The following DNAH7 variants were observed in gnomAD, a reference collection of about 807,000 sequenced individuals.
DNAH7 encodes the protein dynein axonemal heavy chain 7.
DNAH7 carries 397 observed loss-of-function variants against 444.6 expected under a neutral mutation model. The observed-to-expected ratio is 0.89, with a 90% CI of 0.82 to 0.97. The LOEUF is 0.97. Among genes scored for constraint, DNAH7 ranks in the 50% least tolerant of loss-of-function variants. The pLI is 0.00. For synonymous variants in DNAH7, 1,636 were observed against 1,624.4 expected (o/e 1.01, Z -0.17); for missense variants, 4,902 against 4,800.8 (o/e 1.02, Z -0.62).
At position 195,926,443 on chromosome 2, in the gene DNAH7, T is replaced by C; in HGVS notation, c.3595A>G (p.Ile1199Val). ...AACCTTACCTTTATCCCCATTGGAA[T>C]AGCTGTTTGTACTTCTTTTGTCCAA... is the stretch of plus-strand genomic sequence containing the variant. ...IFWTKEVQTAIPMGIKALEQY... is the reference protein window; with the variant it reads ...IFWTKEVQTAVPMGIKALEQY... The change falls in exon 22 of 65, where the codon ATT becomes GTT. Residue 1199 changes from isoleucine (I) to valine (V), a missense_variant. Coordinates refer to ENST00000312428, the MANE Select transcript of DNAH7 (RefSeq NM_018897.3). 6.3e-7 allele frequency: 1 copy of C among 1,592,452 alleles called. No individual in the cohort carries two copies. The highest frequency in any genetic ancestry group is 1.1e-5 in the South Asian group (1 of 87,208).
At chr2:195,783,307 T>A (rs1384932981) in intron 58 of DNAH7, among the ~76,000 whole-genome samples, 2 of 152,236 alleles carry the variant, frequency 1.3e-5, no homozygotes, top group Non-Finnish European at 2.9e-5. Context: ...TACTTTTCTA[T>A]GACACCAATA....
At chr2:196,024,608 T>C in intron 7 of DNAH7, 104 bp from the exon 8 acceptor site, 2 of 597,262 alleles carry the variant, frequency 3.3e-6, no homozygotes, top group Non-Finnish European at 2.6e-6. Context: ...GTTTAAATTA[T>C]ATTAAAGTTG....
chr2:195,776,153 A>T (rs1352568028), intron 59 of DNAH7, among the ~76,000 whole-genome samples, 170 bp from the exon 60 acceptor site: 1 of 152,136 alleles, frequency 6.6e-6, no homozygotes, highest in Non-Finnish European at 1.5e-5. Flanking sequence ...TTTAAAAAAA[A>T]ATATGAACAG....
chr2:195,749,616 A>T (rs1693656116), intron 63 of DNAH7, among the ~76,000 whole-genome samples: 1 of 151,172 alleles, frequency 6.6e-6, no homozygotes, highest in Non-Finnish European at 1.5e-5. Flanking sequence ...GATTAAGAAA[A>T]TGTGGCACAT....
intron 36 of DNAH7, 97 bp downstream of exon 36, chr2:195,881,698 T>C (rs536868498): frequency 7.7e-7 from 1 of 1,295,322 alleles, no homozygotes; most frequent in African/African-American, 1.5e-5. Context: ...AACATCAAAG[T>C]ACTTGAGTAT....
chr2:195,958,501 G>T (rs1372913970), intron 18 of DNAH7, among the ~76,000 whole-genome samples: 2 of 152,056 alleles, frequency 1.3e-5, no homozygotes, highest in African/African-American at 4.8e-5. Context: ...ACTGTGTGGG[G>T]GGTCAGCGCC....
intron 12 of DNAH7, among the ~76,000 whole-genome samples, chr2:195,996,655 A>AC (rs1693715246): frequency 6.6e-6 from 1 of 151,974 alleles, no homozygotes; most frequent in Non-Finnish European, 1.5e-5. Flanking sequence ...CAAACTCCTG[A>AC]CCTCAGGTTA....
intron 42 of DNAH7, 54 bp downstream of exon 42, chr2:195,861,663 A>T (rs1449019014): frequency 9.4e-6 from 12 of 1,274,406 alleles, no homozygotes; most frequent in Non-Finnish European, 1.2e-5. Flanking sequence ...TTTTGCACAC[A>T]CAAGTATTTT....
chr2:195,961,072 A>C, intron 17 of DNAH7, 127 bp from the exon 18 acceptor site: 1 of 674,168 alleles, frequency 1.5e-6, no homozygotes, highest in Admixed American at 3.8e-5. Context: ...GTTAAACTTC[A>C]ATAATCTAGA....
intron 37 of DNAH7, 84 bp from the exon 38 acceptor site, chr2:195,875,927 C>G: frequency 7.8e-7 from 1 of 1,278,772 alleles, no homozygotes; most frequent in Non-Finnish European, 1.1e-6. Flanking sequence ...GAGGCAAATA[C>G]TTAGCTATCT....
chr2:195,995,301 A>T, intron 12 of DNAH7: 1 of 484,964 alleles, frequency 2.1e-6, no homozygotes. Context: ...TTGTACTTTT[A>T]GCAGTTTTTC....
intron 54 of DNAH7, among the ~76,000 whole-genome samples, chr2:195,803,125 T>G (rs1184288402): frequency 6.6e-6 from 1 of 152,250 alleles, no homozygotes; most frequent in African/African-American, 2.4e-5. Context: ...TGGTCTTTTC[T>G]CGATAGATTT....
At chr2:195,874,904 G>C (rs1700957864) in intron 38 of DNAH7, among the ~76,000 whole-genome samples, 1 of 152,138 alleles carries the variant, frequency 6.6e-6, no homozygotes. Context: ...CTGCATTACA[G>C]GTCAGATAAA....
intron 24 of DNAH7, among the ~76,000 whole-genome samples, chr2:195,911,378 C>T (rs968496325): frequency 1.3e-5 from 2 of 151,912 alleles, no homozygotes; most frequent in Admixed American, 1.3e-4. Context: ...AAATTATGCA[C>T]TGAAAATTAC....
rs755131545 is a variant in DNAH7 at position 196,054,118 on chromosome 2, C to T, written c.79-2869G>A. On this transcript the variant is annotated intron_variant, in intron 2 of 64. Coordinates refer to ENST00000312428, the MANE Select transcript of DNAH7 (RefSeq NM_018897.3). The stretch of plus-strand genomic sequence containing the variant: ...CCACCAATAGGTTCCAAAATATCTC[C>T]CTGTTAAAATCTAGCCCTTTAAGAC... 5.3e-5 allele frequency among the ~76,000 whole-genome samples: 8 copies of T among 152,172 alleles called. 1 individual carries two copies. Among genetic ancestry groups the T allele is most frequent in the African/African-American group, 1.2e-4 (5 of 41,434 alleles).
intron 47 of DNAH7, among the ~76,000 whole-genome samples, chr2:195,839,623 T>C (rs1050139730): frequency 3.3e-5 from 5 of 151,860 alleles, no homozygotes; most frequent in South Asian, 4.1e-4. Context: ...TCTAGCCAGA[T>C]TGACCAAGAA....
chr2:196,022,230 A>G (rs1695427901), intron 8 of DNAH7, among the ~76,000 whole-genome samples: 1 of 152,304 alleles, frequency 6.6e-6, no homozygotes, highest in African/African-American at 2.4e-5. Flanking sequence ...TGCTGGTGGA[A>G]GGTCTTAATG....
chr2:196,068,534 A>G (rs1425753616), intron 1 of DNAH7, 163 bp downstream of exon 1: 2 of 915,116 alleles, frequency 2.2e-6, no homozygotes, highest in African/African-American at 3.4e-5. Flanking sequence ...AAGGGCATTC[A>G]CGGAAAGCGC....
chr2:195,831,576 CATCT>C (rs1698073008), intron 48 of DNAH7, among the ~76,000 whole-genome samples: 1 of 152,198 alleles, frequency 6.6e-6, no homozygotes, highest in African/African-American at 2.4e-5. Flanking sequence ...TAGAATCTGC[CATCT>C]ATCTCTCCTT....
Sources: allele counts gnomAD v4.1 joint callset (sites outside exome capture counted in the v4.1 genomes callset), GRCh38; gene constraint gnomAD v4.1.1; transcripts MANE v1.5; gene names NCBI Gene and HGNC (gene_info 2026-07-23, HGNC 2026-07-21).